TGFBR2: variants seen among roughly 807,000 people sequenced by gnomAD.
The protein encoded by TGFBR2 is TGF-beta receptor type-2.
Under a neutral mutation model 49.0 loss-of-function variants are expected in TGFBR2, and 18 were observed. The ratio of observed to expected loss-of-function variants is 0.37; its 90% CI spans 0.25 to 0.54. The LOEUF is 0.54. Ranked by LOEUF, TGFBR2 falls within the 20% of genes least tolerant of loss-of-function variation. TGFBR2 has a pLI of 0.85. For synonymous variants in TGFBR2, 282 were observed against 275.9 expected (o/e 1.02, Z -0.22); for missense variants, 525 against 722.6 (o/e 0.73, Z 3.13).
chr3:30,652,232 GTT>G (rs11386584), intron 3 of TGFBR2, among the ~76,000 whole-genome samples: 2 of 97,026 alleles, frequency 2.1e-5, no homozygotes, highest in Non-Finnish European at 1.9e-5. Context: ...TTTTCTGGTT[GTT>G]TTTTTTTTTT....
chr3:30,654,380 C>A (rs1698956339), intron 3 of TGFBR2, among the ~76,000 whole-genome samples: 1 of 152,090 alleles, frequency 6.6e-6, no homozygotes. Flanking sequence ...GGGTACCTAC[C>A]CTTAACCCTG....
At chr3:30,680,354 T>G (rs1699518712) in intron 5 of TGFBR2, among the ~76,000 whole-genome samples, 2 of 152,182 alleles carry the variant, frequency 1.3e-5, no homozygotes, top group Admixed American at 6.5e-5. Context: ...ATTGATACCT[T>G]AAAATTTGAG....
At chr3:30,628,345 A>G (rs1698373235) in intron 1 of TGFBR2, among the ~76,000 whole-genome samples, 1 of 152,066 alleles carries the variant, frequency 6.6e-6, no homozygotes, top group Non-Finnish European at 1.5e-5. Flanking sequence ...AATTGGGTTC[A>G]GTATTTATCA....
At chr3:30,628,844 G>A (rs931743816) in intron 1 of TGFBR2, among the ~76,000 whole-genome samples, 2 of 152,034 alleles carry the variant, frequency 1.3e-5, no homozygotes, top group African/African-American at 2.4e-5. Flanking sequence ...CATAGCTAAC[G>A]TGTTTTCCAT....
chr3:30,690,478 A>G (rs768222324), intron 6 of TGFBR2, among the ~76,000 whole-genome samples: 1 of 152,160 alleles, frequency 6.6e-6, no homozygotes, highest in Non-Finnish European at 1.5e-5. Flanking sequence ...GTTCAACCCA[A>G]TGTTGTTGGA....
At chr3:30,625,992 A>C (rs1208456031) in intron 1 of TGFBR2, among the ~76,000 whole-genome samples, 1 of 152,146 alleles carries the variant, frequency 6.6e-6, no homozygotes, top group African/African-American at 2.4e-5. Flanking sequence ...GCACGTTAGG[A>C]TCACCTGCGA....
At chr3:30,629,792 T>A (rs1311089952) in intron 1 of TGFBR2, among the ~76,000 whole-genome samples, 1 of 152,200 alleles carries the variant, frequency 6.6e-6, no homozygotes, top group Admixed American at 6.5e-5. Context: ...AGCAGATAAG[T>A]ACAGCGCGAG....
At chr3:30,634,626 A>G (rs1698495927) in intron 1 of TGFBR2, among the ~76,000 whole-genome samples, 1 of 152,244 alleles carries the variant, frequency 6.6e-6, no homozygotes, top group South Asian at 2.1e-4. Flanking sequence ...TCAGTCGTGT[A>G]TCATTATCTT....
At chr3:30,644,975 A>C in intron 2 of TGFBR2, 60 bp downstream of exon 2, 148 of 1,460,220 alleles carry the variant, frequency 1.0e-4, no homozygotes, top group Non-Finnish European at 1.3e-4. Context: ...ATGTATTCTC[A>C]TAGTACACAC....
chr3:30,662,518 T>G (rs1699152317), intron 3 of TGFBR2, among the ~76,000 whole-genome samples: 1 of 152,216 alleles, frequency 6.6e-6, no homozygotes, highest in African/African-American at 2.4e-5. Context: ...TTTCATCATT[T>G]GAGGAAAAAA....
At chr3:30,677,938 A>G (rs541239107) in intron 5 of TGFBR2, among the ~76,000 whole-genome samples, 1 of 152,368 alleles carries the variant, frequency 6.6e-6, no homozygotes, top group East Asian at 1.9e-4. Flanking sequence ...ATTTTAAGGT[A>G]TAAGGAAGAG....
intron 3 of TGFBR2, among the ~76,000 whole-genome samples, chr3:30,662,439 G>A (rs960804820): frequency 6.6e-6 from 1 of 152,204 alleles, no homozygotes; most frequent in Admixed American, 6.5e-5. Context: ...AGGAGAGGTG[G>A]CGAATAGCTT....
intron 1 of TGFBR2, among the ~76,000 whole-genome samples, chr3:30,616,082 C>T (rs751215533): frequency 2.0e-5 from 3 of 152,048 alleles, no homozygotes; most frequent in Non-Finnish European, 2.9e-5. Flanking sequence ...TCACTTTATT[C>T]TTAATTTTAT....
At chr3:30,681,160 G>GA (rs55729736) in intron 5 of TGFBR2, among the ~76,000 whole-genome samples, 2,753 of 82,706 alleles carry the variant, frequency 0.033, 91 homozygotes, top group African/African-American at 0.12. Flanking sequence ...CTTGTGAGAT[G>GA]AAAAAAAAAA....
chr3:30,684,003 T>C (rs1699578775), intron 5 of TGFBR2, among the ~76,000 whole-genome samples: 1 of 152,094 alleles, frequency 6.6e-6, no homozygotes. Context: ...TCAAAGCAAA[T>C]ATCTGAGGCA....
At chr3:30,610,876 T>C (rs1461283194) in intron 1 of TGFBR2, among the ~76,000 whole-genome samples, 1 of 152,186 alleles carries the variant, frequency 6.6e-6, no homozygotes, top group Non-Finnish European at 1.5e-5. Context: ...ATTTTCCCAG[T>C]CTATTTGTGT....
At chr3:30,639,166 G>C (rs1449087512) in intron 1 of TGFBR2, among the ~76,000 whole-genome samples, 1 of 152,108 alleles carries the variant, frequency 6.6e-6, no homozygotes, top group African/African-American at 2.4e-5. Flanking sequence ...TAAAAACTGG[G>C]TTCTCCACAG....
chr3:30,639,982 T>C (rs73823648), intron 1 of TGFBR2, among the ~76,000 whole-genome samples: 2,915 of 152,274 alleles, frequency 0.019, 91 homozygotes, highest in African/African-American at 0.067. Context: ...CTAAATCTTA[T>C]TAGGCTGCTC....
chr3:30,650,226 C>T (rs771554322), intron 2 of TGFBR2, 44 bp from the exon 3 acceptor site: 11 of 1,581,684 alleles, frequency 7.0e-6, no homozygotes, highest in Admixed American at 1.7e-5. Context: ...TTCTCTTTCT[C>T]TCTCTCCCTC....
Sources: allele counts gnomAD v4.1 joint callset (sites outside exome capture counted in the v4.1 genomes callset), GRCh38; gene constraint gnomAD v4.1.1; transcripts MANE v1.5; gene names NCBI Gene and HGNC (gene_info 2026-07-23, HGNC 2026-07-21).